PTPRD: variants seen among roughly 807,000 people sequenced by gnomAD.
PTPRD encodes protein tyrosine phosphatase receptor type D.
Under a neutral mutation model 214.5 loss-of-function variants are expected in PTPRD, and 34 were observed. The observed-to-expected ratio is 0.16, with a 90% CI of 0.12 to 0.21. The LOEUF (loss-of-function observed/expected upper bound fraction) is 0.21, where lower values mean the gene tolerates loss of function less well. PTPRD is among the 10% of genes least tolerant of loss of function. PTPRD has a pLI of 1.00. For synonymous variants in PTPRD, 1,128 were observed against 845.7 expected (o/e 1.33, Z -5.79); for missense variants, 2,545 against 2,398.7 (o/e 1.06, Z -1.27).
At chr9:10,050,987 G>C (rs936364969) in intron 3 of PTPRD, among the ~76,000 whole-genome samples, 1 of 151,996 alleles carries the variant, frequency 6.6e-6, no homozygotes, top group African/African-American at 2.4e-5. Context: ...TTCCTAAATA[G>C]TGTAAAATAT....
chr9:8,766,756 T>C (rs189908026), intron 11 of PTPRD, among the ~76,000 whole-genome samples: 65 of 152,358 alleles, frequency 4.3e-4, no homozygotes, highest in African/African-American at 1.5e-3. Flanking sequence ...CTTGTTTTTA[T>C]GAATCTTTCT....
intron 5 of PTPRD, among the ~76,000 whole-genome samples, chr9:9,891,264 G>A (rs955148592): frequency 6.6e-6 from 1 of 151,800 alleles, no homozygotes; most frequent in Admixed American, 6.6e-5. Context: ...GACTTTCAAA[G>A]AAATATGCAA....
At chr9:8,787,831 A>G (rs2096055913) in intron 11 of PTPRD, among the ~76,000 whole-genome samples, 1 of 152,164 alleles carries the variant, frequency 6.6e-6, no homozygotes, top group African/African-American at 2.4e-5. Flanking sequence ...CCTCCACCCC[A>G]GTCATCTTCC....
intron 2 of PTPRD, among the ~76,000 whole-genome samples, chr9:10,494,097 C>T (rs2041254864): frequency 6.6e-6 from 1 of 151,924 alleles, no homozygotes; most frequent in South Asian, 2.1e-4. Context: ...ATCAAGTCGA[C>T]ATCTGTGATT....
chr9:10,164,440 C>A (rs2099146853), intron 3 of PTPRD, among the ~76,000 whole-genome samples: 1 of 151,260 alleles, frequency 6.6e-6, no homozygotes, highest in Non-Finnish European at 1.5e-5. Flanking sequence ...GCATTACAGC[C>A]AATGTCTTTC....
intron 3 of PTPRD, among the ~76,000 whole-genome samples, chr9:10,291,311 T>C (rs2095521121): frequency 6.6e-6 from 1 of 152,038 alleles, no homozygotes; most frequent in African/African-American, 2.4e-5. Context: ...ATGTAGTAGA[T>C]GGAATGATGG....
At chr9:8,743,797 C>T (rs202037465) in intron 11 of PTPRD, among the ~76,000 whole-genome samples, 1 of 138,324 alleles carries the variant, frequency 7.2e-6, no homozygotes, top group Non-Finnish European at 1.5e-5. Context: ...CAAAAAATAA[C>T]AATAATAATA....
intron 8 of PTPRD, among the ~76,000 whole-genome samples, chr9:9,573,538 C>T (rs915724639): frequency 6.6e-6 from 1 of 151,524 alleles, no homozygotes; most frequent in Non-Finnish European, 1.5e-5. Context: ...AATTAAAACA[C>T]TGGAGATAAT....
intron 3 of PTPRD, among the ~76,000 whole-genome samples, chr9:10,045,323 A>G (rs556488135): frequency 6.6e-6 from 1 of 151,920 alleles, no homozygotes; most frequent in South Asian, 2.1e-4. Flanking sequence ...TTTACATATT[A>G]GAACAGTGAC....
At chr9:8,685,865 G>A (rs180828614) in intron 12 of PTPRD, among the ~76,000 whole-genome samples, 44 of 152,268 alleles carry the variant, frequency 2.9e-4, no homozygotes, top group Admixed American at 2.7e-3. Flanking sequence ...AATGCCAAAC[G>A]AGCACTAGGC....
chr9:8,718,206 G>C lies in PTPRD; in HGVS notation c.64+15574C>G, dbSNP rs2098456575. ...ATTTGTCAAAGCTTTCTTCAGGCTA[G>C]AAAAAGCAATCTAGTGGCCTGAGTA... is the stretch of plus-strand genomic sequence containing the variant. On this transcript the variant is annotated intron_variant, in intron 12 of 45. Coordinates refer to ENST00000381196, the MANE Select transcript of PTPRD (RefSeq NM_002839.4). Among the ~76,000 whole-genome samples the C allele has an allele frequency of 1.3e-5, 2 of 152,152 alleles. 1 individual carries two copies. The highest frequency in any genetic ancestry group is 4.1e-4 in the South Asian group (2 of 4,826).
At chr9:10,207,672 G>C (rs996875648) in intron 3 of PTPRD, among the ~76,000 whole-genome samples, 1 of 151,584 alleles carries the variant, frequency 6.6e-6, no homozygotes, top group Non-Finnish European at 1.5e-5. Flanking sequence ...TTTTGATAAA[G>C]AGCAAGAAAC....
chr9:9,288,848 A>G (rs1950295925), intron 9 of PTPRD, among the ~76,000 whole-genome samples: 1 of 151,800 alleles, frequency 6.6e-6, no homozygotes, highest in African/African-American at 2.4e-5. Context: ...GCGAGTTCTC[A>G]TGAGATCTGA....
At chr9:8,488,719 C>T (rs2097089318) in intron 27 of PTPRD, among the ~76,000 whole-genome samples, 1 of 151,992 alleles carries the variant, frequency 6.6e-6, no homozygotes, top group African/African-American at 2.4e-5. Context: ...CTTTAATTCC[C>T]CTTTATGTGT....
intron 9 of PTPRD, 53 bp from the exon 10 acceptor site, chr9:9,183,416 C>T (rs945035168): frequency 3.3e-5 from 5 of 151,942 alleles, no homozygotes; most frequent in Admixed American, 6.6e-5. Context: ...TTAATCCCTA[C>T]ATTGTCTTTA....
At chr9:9,828,011 C>T (rs543766448) in intron 5 of PTPRD, among the ~76,000 whole-genome samples, 1 of 152,104 alleles carries the variant, frequency 6.6e-6, no homozygotes, top group Non-Finnish European at 1.5e-5. Context: ...ACAACAGGTG[C>T]TGGAGAGGAT....
At chr9:8,753,125 C>T (rs1331342953) in intron 11 of PTPRD, among the ~76,000 whole-genome samples, 1 of 152,118 alleles carries the variant, frequency 6.6e-6, no homozygotes, top group Non-Finnish European at 1.5e-5. Context: ...AAGTAAGGTA[C>T]GTTATTCTGT....
chr9:9,503,468 G>A (rs1036619520), intron 8 of PTPRD, among the ~76,000 whole-genome samples: 1 of 151,408 alleles, frequency 6.6e-6, no homozygotes, highest in African/African-American at 2.4e-5. Flanking sequence ...TCAAATGGGC[G>A]CTCAAGTATC....
chr9:8,399,138 ACTGT>A (rs1382910838), intron 36 of PTPRD, among the ~76,000 whole-genome samples: 3 of 139,496 alleles, frequency 2.2e-5, no homozygotes, highest in Non-Finnish European at 4.5e-5. Flanking sequence ...ATCATCTCAT[ACTGT>A]CTAAGATTTA....
Sources: allele counts gnomAD v4.1 joint callset (sites outside exome capture counted in the v4.1 genomes callset), GRCh38; gene constraint gnomAD v4.1.1; transcripts MANE v1.5; gene names NCBI Gene and HGNC (gene_info 2026-07-23, HGNC 2026-07-21).